FAR2: variants seen among roughly 807,000 people sequenced by gnomAD.
The protein encoded by FAR2 is fatty acyl-CoA reductase 2.
A neutral mutation model predicts 56.0 loss-of-function variants in FAR2; 19 were observed. The observed-to-expected ratio is 0.34, with a 90% CI of 0.24 to 0.50. The LOEUF (loss-of-function observed/expected upper bound fraction) is 0.50, where lower values mean the gene tolerates loss of function less well. Ranked by LOEUF, FAR2 falls within the 20% of genes least tolerant of loss-of-function variation. The pLI, the probability that FAR2 is intolerant of heterozygous loss-of-function variation, is 0.98. For missense variants in FAR2, 508 were observed against 642.2 expected, an observed-to-expected ratio of 0.79 and a Z score of 2.26; for synonymous variants, 219 against 218.8, an observed-to-expected ratio of 1.00 and a Z score of -0.01.
chr12:29,308,034 T>C (rs1043229968), intron 5 of FAR2, 199 bp downstream of exon 5: 1 of 534,704 alleles, frequency 1.9e-6, no homozygotes, highest in Non-Finnish European at 3.3e-6. Context: ...CTGGCAGTTA[T>C]CTTGACTGCC....
At chr12:29,297,591 A>T (rs1206452656) in intron 4 of FAR2, among the ~76,000 whole-genome samples, 3 of 152,194 alleles carry the variant, frequency 2.0e-5, no homozygotes, top group African/African-American at 7.2e-5. Context: ...TCCACCAGTA[A>T]CTACCTGTGT....
intron 1 of FAR2, among the ~76,000 whole-genome samples, chr12:29,184,502 T>G (rs954421140): frequency 2.3e-5 from 3 of 133,232 alleles, no homozygotes; most frequent in African/African-American, 8.4e-5. Flanking sequence ...TGGCGCGATC[T>G]CAGCTCACTG....
chr12:29,247,796 T>C (rs1187150290), intron 1 of FAR2, among the ~76,000 whole-genome samples: 1 of 152,242 alleles, frequency 6.6e-6, no homozygotes, highest in African/African-American at 2.4e-5. Flanking sequence ...TGACCGTATC[T>C]TGTGAGAAGA....
In FAR2 at chr12:29,273,660, G is replaced by T. The variant is rs374735228; in HGVS notation, c.189+3022G>T. Among the ~76,000 whole-genome samples the T allele has an allele frequency of 5.8e-4, 89 of 152,344 alleles. 1 individual carries two copies. The highest frequency in any genetic ancestry group is 2.1e-3 in the African/African-American group (87 of 41,590). On this transcript the variant is annotated intron_variant, in intron 2 of 11. Transcript: ENST00000536681. ...TCAAATGGCTTAGACAGCAGGTGATGGCAGCCAGGGCTCGTCGCCCCTCTG... is the reference window on the plus strand; with the variant it reads ...TCAAATGGCTTAGACAGCAGGTGATTGCAGCCAGGGCTCGTCGCCCCTCTG...
chr12:29,191,633 T>G (rs760313330), intron 1 of FAR2, among the ~76,000 whole-genome samples: 19 of 152,242 alleles, frequency 1.2e-4, no homozygotes, highest in Non-Finnish European at 2.2e-4. Context: ...TTGTGTATAC[T>G]CTGAGGATGG....
At chr12:29,319,065 A>C (rs986072) in intron 9 of FAR2, among the ~76,000 whole-genome samples, 46,964 of 150,936 alleles carry the variant, frequency 0.31, 9,134 homozygotes, top group Admixed American at 0.46. Context: ...ATCTCAGCGC[A>C]CTGCAACCTC....
intron 1 of FAR2, among the ~76,000 whole-genome samples, chr12:29,211,441 C>T (rs960351041): frequency 2.6e-5 from 4 of 152,164 alleles, no homozygotes; most frequent in African/African-American, 9.7e-5. Flanking sequence ...TTTGACCGAT[C>T]ATAATGTTGT....
chr12:29,259,058 A>G (rs181970731), intron 1 of FAR2, among the ~76,000 whole-genome samples: 1 of 152,246 alleles, frequency 6.6e-6, no homozygotes, highest in African/African-American at 2.4e-5. Flanking sequence ...ACTTAGCTTC[A>G]TAGGCAGAAA....
rs201840327 is a variant in FAR2, at chr12:29,292,451, CAT to C, written c.190-846_190-845del. 13 of 152,278 alleles carry C rather than the reference CAT, an allele frequency of 8.5e-5. No individual in the cohort carries two copies. In the East Asian group the frequency reaches 1.9e-3, roughly 23 times the overall value. The allele number at this position is 152,278 out of a possible 1,614,324, so 9.4% of individuals were successfully genotyped here. ...GATAAGCTTACCCAAAAATATTCAA[CAT>C]ATGTTTGTTGTACAATTAACATTAA... On this transcript the variant is annotated intron_variant, in intron 2 of 11. Transcript: ENST00000536681.
intron 1 of FAR2, among the ~76,000 whole-genome samples, chr12:29,192,533 G>A (rs945466157): frequency 6.6e-6 from 1 of 152,110 alleles, no homozygotes; most frequent in South Asian, 2.1e-4. Context: ...CCCAATTTAC[G>A]TGGTTACCTA....
Position 29,297,018 on chromosome 12 carries a change from T to C in FAR2, c.366-3T>C, listed in dbSNP as rs1565510922. On this transcript the variant is annotated splice_polypyrimidine_tract_variant and splice_region_variant and intron_variant, in intron 3 of 11. Transcript: ENST00000536681. ...GTATTTCCTTCTGCTTAATCTTCTC[T>C]AGACATGCTGTGCAACTTAACGTCA... 1.9e-6 allele frequency: 3 copies of C among 1,601,646 alleles called. No individual in the cohort carries two copies. Among genetic ancestry groups the C allele is most frequent in the Non-Finnish European group, 2.6e-6 (3 of 1,175,182 alleles).
intron 1 of FAR2, among the ~76,000 whole-genome samples, chr12:29,226,813 A>G (rs1366394370): frequency 1.3e-5 from 2 of 152,148 alleles, no homozygotes; most frequent in South Asian, 2.1e-4. Flanking sequence ...GTATTACCCA[A>G]TGTTTACCAA....
At chr12:29,310,883 C>T (rs1208762956) in intron 6 of FAR2, 145 bp from the exon 7 acceptor site, 3 of 643,642 alleles carry the variant, frequency 4.7e-6, no homozygotes, top group African/African-American at 1.8e-5. Flanking sequence ...GGAAGTCAGA[C>T]TTAGCATAAG....
intron 10 of FAR2, chr12:29,331,819 T>A (rs1565529221): frequency 6.6e-6 from 1 of 152,140 alleles, no homozygotes; most frequent in African/African-American, 2.4e-5. Flanking sequence ...ATAAAATCTA[T>A]GGAATGCAAT....
At chr12:29,184,964 T>A (rs962089487) in intron 1 of FAR2, among the ~76,000 whole-genome samples, 1 of 152,220 alleles carries the variant, frequency 6.6e-6, no homozygotes, top group Non-Finnish European at 1.5e-5. Flanking sequence ...CTGACATTTT[T>A]ATCATCAGGT....
At chr12:29,288,618 T>TA (rs1057087372) in intron 2 of FAR2, among the ~76,000 whole-genome samples, 3 of 152,152 alleles carry the variant, frequency 2.0e-5, no homozygotes, top group Admixed American at 6.5e-5. Flanking sequence ...GTCATTATTA[T>TA]AAAAATAGAA....
At chr12:29,314,031 T>C (rs1202738774) in intron 8 of FAR2, among the ~76,000 whole-genome samples, 1 of 152,230 alleles carries the variant, frequency 6.6e-6, no homozygotes, top group African/African-American at 2.4e-5. Context: ...CCCACACATT[T>C]AGTTGTATGA....
intron 1 of FAR2, among the ~76,000 whole-genome samples, chr12:29,167,677 G>A (rs1035383366): frequency 6.6e-6 from 1 of 152,168 alleles, no homozygotes; most frequent in African/African-American, 2.4e-5. Context: ...TAGCTCTTCT[G>A]ATTAAGTAAT....
chr12:29,314,246 C>T (rs1022675715), intron 8 of FAR2, among the ~76,000 whole-genome samples: 1 of 152,110 alleles, frequency 6.6e-6, no homozygotes, highest in African/African-American at 2.4e-5. Flanking sequence ...GGATTCAAAT[C>T]TTAGCTCATT....
Sources: gnomAD v4.1 joint callset for allele counts (sites outside exome capture counted in the v4.1 genomes callset) on GRCh38, gnomAD v4.1.1 for gene constraint, MANE v1.5 for transcripts, NCBI Gene and HGNC (gene_info 2026-07-23, HGNC 2026-07-21) for gene names.